Variants in TLCD3B observed in about 807,000 individuals in gnomAD.
TLCD3B encodes ceramide synthase.
TLCD3B carries 9 observed loss-of-function variants against 23.0 expected under a neutral mutation model. The observed-to-expected ratio is 0.39, with a 90% CI of 0.24 to 0.68. The LOEUF (loss-of-function observed/expected upper bound fraction) is 0.68, where lower values mean the gene tolerates loss of function less well. Ranked by LOEUF, TLCD3B falls within the 30% of genes least tolerant of loss-of-function variation. The pLI is 0.44. For synonymous variants in TLCD3B, 161 were observed against 161.0 expected (o/e 1.00, Z 0.00); for missense variants, 307 against 371.8 (o/e 0.83, Z 1.43).
chr16:30,033,858 C>A (rs1165489454), upstream of TLCD3B: 1 of 151,798 alleles, frequency 6.6e-6, no homozygotes, highest in Non-Finnish European at 1.5e-5. Context: ...ACCAGCTACT[C>A]GGGAGGTTGA....
chr16:30,044,464 C>T (rs931598616), intron 2 of TLCD3B, among the ~76,000 whole-genome samples: 1 of 151,740 alleles, frequency 6.6e-6, no homozygotes, highest in African/African-American at 2.4e-5. Context: ...CCTGCCACCA[C>T]ACTCGGCTAA....
chr16:30,047,582 G>A (rs550576458), intron 1 of TLCD3B, among the ~76,000 whole-genome samples: 11 of 151,538 alleles, frequency 7.3e-5, no homozygotes, highest in African/African-American at 2.7e-4. Context: ...TCGGCCTCCC[G>A]CAGTGCTGGG....
At chr16:30,040,623 G>A (rs1163456170) in intron 3 of TLCD3B, among the ~76,000 whole-genome samples, 2 of 151,866 alleles carry the variant, frequency 1.3e-5, no homozygotes, top group Non-Finnish European at 2.9e-5. Flanking sequence ...AAGGAGTGAG[G>A]AGGAGTAGCA....
intron 2 of TLCD3B, among the ~76,000 whole-genome samples, chr16:30,043,262 G>T (rs1244275320): frequency 6.6e-6 from 1 of 152,018 alleles, no homozygotes; most frequent in Non-Finnish European, 1.5e-5. Context: ...CTCTCATTTT[G>T]TCTCCCTTGA....
At position 30,026,699 on chromosome 16, in the gene TLCD3B, C is replaced by G. The variant is rs373625205; in HGVS notation, c.354G>C (p.Thr118=). 1.9e-6 allele frequency: 3 copies of G among 1,613,996 alleles called. No individual in the cohort carries two copies. In the East Asian group the frequency reaches 6.7e-5, roughly 36 times the overall value. ...GCAGGTAGCCACGCGCTATGGCCCA[C>G]GTGCTGCCCGGGGCTCTGGCCGCTC... ...DDGAARAPGS[T]WAIARGYLHK... is the part of the protein sequence containing the mutation. Residue 118 remains threonine, a synonymous_variant, in exon 3 of 5, where the codon ACG becomes ACC. Coordinates refer to ENST00000380495, the MANE Select transcript of TLCD3B (RefSeq NM_031478.6).
At chr16:30,038,885 C>T (rs2071524426) in intron 3 of TLCD3B, among the ~76,000 whole-genome samples, 1 of 152,054 alleles carries the variant, frequency 6.6e-6, no homozygotes, top group South Asian at 2.1e-4. Context: ...GGTAACTTGT[C>T]CAAGGTTAAA....
chr16:30,034,057 G>A (rs989022740), upstream of TLCD3B, among the ~76,000 whole-genome samples: 2 of 151,638 alleles, frequency 1.3e-5, no homozygotes, highest in African/African-American at 4.9e-5. Flanking sequence ...AGGATCACTT[G>A]AGCCCAGGAG....
upstream of TLCD3B, chr16:30,033,647 A>C (rs2071412242): frequency 6.6e-6 from 1 of 152,172 alleles, no homozygotes; most frequent in South Asian, 2.1e-4. Context: ...ATAAATTCTT[A>C]GTTACTTATC....
At chr16:30,026,373 C>T (rs1403286996) in intron 3 of TLCD3B, among the ~76,000 whole-genome samples, 1 of 152,170 alleles carries the variant, frequency 6.6e-6, no homozygotes, top group East Asian at 1.9e-4. Context: ...CGTGCAACCA[C>T]AAATCCAAAG....
intron 2 of TLCD3B, among the ~76,000 whole-genome samples, chr16:30,044,228 T>C (rs4787492): frequency 0.47 from 70,749 of 151,314 alleles, 16,719 homozygotes; most frequent in African/African-American, 0.51. Context: ...AACTCCCGAC[T>C]TCAAGTGATC....
upstream of TLCD3B, chr16:30,035,525 A>T (rs749783709): frequency 7.8e-7 from 1 of 1,286,752 alleles, no homozygotes; most frequent in Non-Finnish European, 1.0e-6. Flanking sequence ...AGAACACCTC[A>T]ACACAACACC....
upstream of TLCD3B, among the ~76,000 whole-genome samples, chr16:30,031,476 C>T (rs372309305): frequency 2.0e-5 from 3 of 152,314 alleles, no homozygotes; most frequent in African/African-American, 7.2e-5. Flanking sequence ...CCTGACCCTG[C>T]TTCCCATCAG....
At chr16:30,026,474 A>T in intron 3 of TLCD3B, 135 bp downstream of exon 3, 1 of 784,246 alleles carries the variant, frequency 1.3e-6, no homozygotes, top group Non-Finnish European at 2.0e-6. Context: ...GCCTGTCCAC[A>T]GCTTTCCCTG....
At chr16:30,049,179 A>C (rs949710884) in intron 1 of TLCD3B, among the ~76,000 whole-genome samples, 2 of 152,110 alleles carry the variant, frequency 1.3e-5, no homozygotes, top group African/African-American at 4.8e-5. Flanking sequence ...AAGTAAGATA[A>C]AGTCTGTGGA....
chr16:30,027,211 A>G (rs1227649967), intron 2 of TLCD3B: 2 of 462,634 alleles, frequency 4.3e-6, no homozygotes, highest in South Asian at 1.5e-5. Flanking sequence ...TAACCTTACC[A>G]TGAGGTTAGG....
At chr16:30,036,437 C>A (rs1261627734) in intron 3 of TLCD3B, 1 of 1,255,866 alleles carries the variant, frequency 8.0e-7, no homozygotes, top group Non-Finnish European at 1.0e-6. Context: ...GTGGAGCAGG[C>A]ACAGGCAGGA....
rs866123754 is a variant in TLCD3B, at chr16:30,026,844, C to T, written c.210-1G>A. 1 of 1,613,402 alleles carries T rather than the reference C, an allele frequency of 6.2e-7. No individual in the cohort carries two copies. The highest frequency in any genetic ancestry group is 8.5e-7 in the Non-Finnish European group (1 of 1,179,690). ...CGTGTAGGCAGAGGACAGCCAGTGT[C>T]TGTTGGGCAGAGAGACGGGGTGGGG... On this transcript the variant is annotated splice_acceptor_variant, in intron 2 of 4. Coordinates refer to ENST00000380495, the MANE Select transcript of TLCD3B (RefSeq NM_031478.6). LOFTEE classifies it high-confidence loss of function.
At chr16:30,027,462 CCTCA>C in intron 2 of TLCD3B, 2 of 422,800 alleles carry the variant, frequency 4.7e-6, no homozygotes, top group East Asian at 7.1e-5. Flanking sequence ...GCTCCACAGC[CCTCA>C]CTGTCATCCC....
At chr16:30,040,544 G>C (rs1030828998) in intron 3 of TLCD3B, among the ~76,000 whole-genome samples, 1 of 152,084 alleles carries the variant, frequency 6.6e-6, no homozygotes, top group Non-Finnish European at 1.5e-5. Context: ...AGAGGGGAAG[G>C]CATGAGGGGA....
Sources: gnomAD v4.1 joint callset for allele counts (sites outside exome capture counted in the v4.1 genomes callset) on GRCh38, gnomAD v4.1.1 for gene constraint, MANE v1.5 for transcripts, NCBI Gene and HGNC (gene_info 2026-07-23, HGNC 2026-07-21) for gene names.